Variants in PDZRN4 observed in about 807,000 individuals in gnomAD.
The protein encoded by PDZRN4 is PDZ domain containing ring finger 4, also known as PDZ domain-containing RING finger protein 4.
Under a neutral mutation model 99.0 loss-of-function variants are expected in PDZRN4, and 70 were observed. The ratio of observed to expected loss-of-function variants is 0.71; its 90% CI spans 0.58 to 0.86. PDZRN4 has a LOEUF of 0.86. Among genes scored for constraint, PDZRN4 ranks in the 40% least tolerant of loss-of-function variants. The pLI is 0.00. For synonymous variants in PDZRN4, 551 were observed against 501.6 expected (o/e 1.10, Z -1.32); for missense variants, 1,474 against 1,331.2 (o/e 1.11, Z -1.67).
At chr12:41,509,182 T>C (rs1476248401) in intron 4 of PDZRN4, among the ~76,000 whole-genome samples, 2 of 152,138 alleles carry the variant, frequency 1.3e-5, no homozygotes, top group Non-Finnish European at 2.9e-5. Context: ...TGAAACCTTG[T>C]GGCTTATAGG....
At chr12:41,262,868 T>C (rs535041385) in intron 3 of PDZRN4, among the ~76,000 whole-genome samples, 2 of 152,154 alleles carry the variant, frequency 1.3e-5, no homozygotes, top group Non-Finnish European at 1.5e-5. Context: ...TAGAATTCAA[T>C]TGAAGACAAA....
chr12:41,286,885 A>G (rs1951426102), intron 3 of PDZRN4, among the ~76,000 whole-genome samples: 2 of 152,298 alleles, frequency 1.3e-5, no homozygotes. Flanking sequence ...TATGTTAATC[A>G]TTTAATTTTT....
chr12:41,458,087 T>C (rs1028824682), intron 3 of PDZRN4, among the ~76,000 whole-genome samples: 6 of 152,186 alleles, frequency 3.9e-5, no homozygotes, highest in Admixed American at 2.0e-4. Context: ...ATTCTGGCTG[T>C]AAAGATGTTA....
intron 3 of PDZRN4, among the ~76,000 whole-genome samples, chr12:41,260,302 C>G (rs956305078): frequency 5.9e-5 from 9 of 152,076 alleles, no homozygotes; most frequent in Non-Finnish European, 1.2e-4. Context: ...GTTTCCCTAA[C>G]ATAACAGCAG....
chr12:41,497,551 T>A (rs1938031680), intron 3 of PDZRN4, among the ~76,000 whole-genome samples: 1 of 152,146 alleles, frequency 6.6e-6, no homozygotes, highest in Non-Finnish European at 1.5e-5. Flanking sequence ...CAGTGGGATC[T>A]TCTCCAAAGA....
chr12:41,317,097 GA>G, intron 3 of PDZRN4, among the ~76,000 whole-genome samples: 1 of 81,970 alleles, frequency 1.2e-5, no homozygotes, highest in East Asian at 3.5e-4. Context: ...ATTACATAGA[GA>G]ATTATCTATG....
At chr12:41,555,016 G>T (rs1171165603) in intron 6 of PDZRN4, among the ~76,000 whole-genome samples, 3 of 144,658 alleles carry the variant, frequency 2.1e-5, no homozygotes, top group African/African-American at 7.8e-5. Flanking sequence ...AGACCATCCG[G>T]GCTAACACGG....
chr12:41,434,652 T>C (rs1362237287), intron 3 of PDZRN4, among the ~76,000 whole-genome samples: 2 of 152,200 alleles, frequency 1.3e-5, no homozygotes, highest in Non-Finnish European at 2.9e-5. Flanking sequence ...ATGTGTCCTA[T>C]TTTGAATGCC....
Position 41,506,695 on chromosome 12 carries a change from A to G in PDZRN4, c.1083A>G (p.Pro361=), listed in dbSNP as rs372834480. The G allele has an allele frequency of 2.5e-6, 4 of 1,610,910 alleles. No individual in the cohort carries two copies. Among genetic ancestry groups the G allele is most frequent in the Non-Finnish European group, 8.5e-7 (1 of 1,178,318 alleles). The change falls in exon 4 of 10, where the codon CCA becomes CCG. Residue 361 remains proline (P), a synonymous_variant. Transcript: ENST00000402685. ...CCCCTCCAGTGCCAGACATCTGTCC[A>G]TTCCTGCTCTCAGACAGGTATTTTT... ...PPTPPVPDIC[P]FLLSDSCHSL...
At chr12:41,516,059 T>C (rs1938395722) in intron 5 of PDZRN4, among the ~76,000 whole-genome samples, 1 of 151,938 alleles carries the variant, frequency 6.6e-6, no homozygotes. Context: ...CTGGAATGCT[T>C]TTCTGACAAT....
intron 3 of PDZRN4, among the ~76,000 whole-genome samples, chr12:41,232,076 G>A (rs1034849247): frequency 7.2e-6 from 1 of 139,730 alleles, no homozygotes. Flanking sequence ...ATTTCTAAGA[G>A]GCCAGTTTTA....
chr12:41,463,820 C>T (rs11829126), intron 3 of PDZRN4, among the ~76,000 whole-genome samples: 103 of 152,216 alleles, frequency 6.8e-4, no homozygotes, highest in African/African-American at 2.4e-3. Flanking sequence ...AACTTAGATA[C>T]GGCCTCTGAT....
chr12:41,509,790 A>G (rs756500870), intron 4 of PDZRN4, 21 bp from the exon 5 acceptor site: 2 of 1,114,006 alleles, frequency 1.8e-6, no homozygotes, highest in South Asian at 2.7e-5. Flanking sequence ...TATTCCTATC[A>G]TATTGCTACA....
At chr12:41,529,742 C>A (rs1036821470) in intron 5 of PDZRN4, among the ~76,000 whole-genome samples, 1 of 152,192 alleles carries the variant, frequency 6.6e-6, no homozygotes, top group Non-Finnish European at 1.5e-5. Context: ...TCCTCAAAAT[C>A]CTTCCAGAAG....
intron 3 of PDZRN4, among the ~76,000 whole-genome samples, chr12:41,483,777 G>C (rs1453150823): frequency 2.0e-5 from 3 of 152,020 alleles, no homozygotes; most frequent in Admixed American, 2.0e-4. Flanking sequence ...AAAGCATCTA[G>C]CCTTTGCTCC....
intron 3 of PDZRN4, among the ~76,000 whole-genome samples, chr12:41,358,263 A>G (rs934353255): frequency 1.3e-5 from 2 of 151,982 alleles, no homozygotes; most frequent in African/African-American, 2.4e-5. Context: ...CTAGTTATGT[A>G]TGCTGAAATG....
chr12:41,233,379 G>A (rs895332389), intron 3 of PDZRN4, among the ~76,000 whole-genome samples: 12 of 152,120 alleles, frequency 7.9e-5, no homozygotes, highest in African/African-American at 2.9e-4. Flanking sequence ...AGTCAGTGTG[G>A]CGATTCCTCA....
intron 3 of PDZRN4, among the ~76,000 whole-genome samples, chr12:41,397,348 G>A (rs1952255220): frequency 6.6e-6 from 1 of 152,082 alleles, no homozygotes; most frequent in Admixed American, 6.6e-5. Flanking sequence ...CCAAAAATAG[G>A]CACAACAAAG....
chr12:41,347,088 T>C (rs1421559877), intron 3 of PDZRN4, among the ~76,000 whole-genome samples: 1 of 152,198 alleles, frequency 6.6e-6, no homozygotes, highest in East Asian at 1.9e-4. Flanking sequence ...GTGGCTATTA[T>C]GGATAATGCT....
Sources: allele counts gnomAD v4.1 joint callset (sites outside exome capture counted in the v4.1 genomes callset), GRCh38; gene constraint gnomAD v4.1.1; transcripts MANE v1.5; gene names NCBI Gene and HGNC (gene_info 2026-07-23, HGNC 2026-07-21).